Variants in CFHR2 observed in about 807,000 individuals in gnomAD.
The protein encoded by CFHR2 is complement factor H-related protein 2.
Under a neutral mutation model 21.7 loss-of-function variants are expected in CFHR2, and 22 were observed. That is an observed-to-expected ratio of 1.01 (90% confidence interval 0.72 to 1.45). CFHR2 has a LOEUF of 1.45. CFHR2 is among the 40% of genes most tolerant of loss of function. The probability of loss-of-function intolerance (pLI) is 0.00; values close to 1 mark genes in which losing one functional copy is unlikely to be tolerated. For missense variants in CFHR2, 294 were observed against 293.3 expected (o/e 1.00, Z -0.02); for synonymous variants, 98 against 97.4 (o/e 1.01, Z -0.04).
At chr1:196,951,425 A>G (rs2125008753) in intron 3 of CFHR2, among the ~76,000 whole-genome samples, 1 of 152,334 alleles carries the variant, frequency 6.6e-6, no homozygotes, top group East Asian at 1.9e-4. Context: ...TCTTTATTTA[A>G]ATTCATATGC....
chr1:196,958,384 TTGTGTGTAAGTGTG>T (rs1652980331), intron 4 of CFHR2, among the ~76,000 whole-genome samples: 1 of 150,794 alleles, frequency 6.6e-6, no homozygotes, highest in Non-Finnish European at 1.5e-5. Flanking sequence ...ATGGTTACCA[TTGTGTGTAAGTGTG>T]TGTGTGTGTG....
intron 1 of CFHR2, among the ~76,000 whole-genome samples, chr1:196,944,265 T>TA (rs1659394705): frequency 1.4e-5 from 2 of 147,240 alleles, no homozygotes; most frequent in African/African-American, 5.2e-5. Flanking sequence ...GCAATGCCAC[T>TA]AACTAGAACA....
rs1172323615 is a variant in CFHR2, at chr1:196,949,440, G to A, written c.59-15G>A. 5.0e-6 allele frequency: 8 copies of A among 1,598,062 alleles called. No individual in the cohort carries two copies. The highest frequency in any genetic ancestry group is 2.2e-5 in the East Asian group (1 of 44,772). On this transcript the variant is annotated splice_polypyrimidine_tract_variant and intron_variant, in intron 1 of 4. Transcript: ENST00000367415. ...GCTTATTATGTAATTCTTCAGTTTTGTGTTATTTTCCCAGCAATGTTCTGT... is the reference window on the plus strand; with the variant it reads ...GCTTATTATGTAATTCTTCAGTTTTATGTTATTTTCCCAGCAATGTTCTGT...
chr1:196,959,113 C>G lies in CFHR2; in HGVS notation c.*33C>G, dbSNP rs1157118767. 7.3e-7 allele frequency: 1 copy of G among 1,373,320 alleles called. No homozygotes were observed. The highest frequency in any genetic ancestry group is 1.0e-6 in the Non-Finnish European group (1 of 985,888). 85.1% of individuals were successfully genotyped at this position (1,373,320 alleles called of 1,614,324 possible). A position where few individuals can be genotyped will look rare whatever the true frequency, so the allele number is the denominator to read the frequency against. On this transcript the variant is annotated 3_prime_UTR_variant, in exon 5 of 5. Transcript: ENST00000367415. ...GGCATTACTATTAGTAAAATGCACA[C>G]CTTTTTCTGAATTTACTATTATATT...
At position 196,950,993 on chromosome 1, in the gene CFHR2, G is replaced by A. The variant is rs75362023; in HGVS notation, c.395G>A (p.Arg132Gln). The change falls in exon 3 of 5, where the codon CGG becomes CAG. Residue 132 changes from arginine (R) to glutamine (Q), a missense_variant. Transcript: ENST00000367415. ...NNENNISCVERGWSTPPKCRS... is the reference protein window; with the variant it reads ...NNENNISCVEQGWSTPPKCRS... ...GAGAACAACATTTCATGTGTAGAAC[G>A]GGGCTGGTCCACTCCTCCCAAATGC... 1,980 of 1,612,732 alleles carry A rather than the reference G, an allele frequency of 1.2e-3. 25 individuals carry two copies. The African/African-American group carries it at 0.024, about 19-fold the overall frequency.
intron 3 of CFHR2, 123 bp downstream of exon 3, chr1:196,951,151 T>A: frequency 8.3e-7 from 1 of 1,200,578 alleles, no homozygotes; most frequent in Non-Finnish European, 1.2e-6. Flanking sequence ...TCATTATTCA[T>A]TTGATTCTCA....
At chr1:196,948,692 C>G (rs930457910) in intron 1 of CFHR2, among the ~76,000 whole-genome samples, 1 of 151,860 alleles carries the variant, frequency 6.6e-6, no homozygotes, top group Non-Finnish European at 1.5e-5. Context: ...GTTTTATTGT[C>G]TTTTTATTGT....
At chr1:196,958,483 A>G (rs1652987667) in intron 4 of CFHR2, among the ~76,000 whole-genome samples, 3 of 151,948 alleles carry the variant, frequency 2.0e-5, no homozygotes, top group Admixed American at 2.0e-4. Context: ...CAAGTAAATA[A>G]TACCATATTA....
intron 3 of CFHR2, among the ~76,000 whole-genome samples, chr1:196,954,508 G>A (rs928968504): frequency 2.6e-5 from 4 of 152,204 alleles, no homozygotes; most frequent in Non-Finnish European, 5.9e-5. Context: ...ACTAGGCAGT[G>A]CCTCAGTGGT....
At chr1:196,947,778 C>T (rs1314918425) in intron 1 of CFHR2, among the ~76,000 whole-genome samples, 1 of 152,082 alleles carries the variant, frequency 6.6e-6, no homozygotes, top group African/African-American at 2.4e-5. Flanking sequence ...CTATCTTGAG[C>T]TAAATACATA....
At chr1:196,953,563 A>G (rs564558180) in intron 3 of CFHR2, among the ~76,000 whole-genome samples, 1 of 152,324 alleles carries the variant, frequency 6.6e-6, no homozygotes, top group Admixed American at 6.5e-5. Context: ...CGTAACAGTC[A>G]TGAGCCACTG....
chr1:196,948,409 G>T (rs142834452), intron 1 of CFHR2, among the ~76,000 whole-genome samples: 3,210 of 152,116 alleles, frequency 0.021, 56 homozygotes, highest in Middle Eastern at 0.037. Flanking sequence ...CCAAGTAGCT[G>T]GGATTACAGG....
At chr1:196,956,195 T>C (rs904184497) in intron 3 of CFHR2, among the ~76,000 whole-genome samples, 4 of 152,200 alleles carry the variant, frequency 2.6e-5, no homozygotes, top group Admixed American at 2.6e-4. Flanking sequence ...GTGGCAAGTA[T>C]GTGCAATAAA....
At chr1:196,948,278 T>C (rs1659592589) in intron 1 of CFHR2, among the ~76,000 whole-genome samples, 1 of 148,650 alleles carries the variant, frequency 6.7e-6, no homozygotes, top group Admixed American at 6.7e-5. Flanking sequence ...TTTTATTTTA[T>C]TTTAATTTTT....
chr1:196,953,888 T>A (rs1220161031), intron 3 of CFHR2, among the ~76,000 whole-genome samples: 1 of 152,212 alleles, frequency 6.6e-6, no homozygotes, highest in African/African-American at 2.4e-5. Flanking sequence ...TGAATGTCAA[T>A]TATGTAGTTT....
At chr1:196,953,468 A>G (rs1652731204) in intron 3 of CFHR2, among the ~76,000 whole-genome samples, 1 of 152,078 alleles carries the variant, frequency 6.6e-6, no homozygotes, top group Non-Finnish European at 1.5e-5. Flanking sequence ...TTCTTAGTAG[A>G]GCCAGGGTTT....
At chr1:196,953,260 T>TTATG (rs1467737200) in intron 3 of CFHR2, among the ~76,000 whole-genome samples, 2 of 151,904 alleles carry the variant, frequency 1.3e-5, no homozygotes, top group East Asian at 3.9e-4. Flanking sequence ...ATTTATTTAT[T>TTATG]TATTTATTTA....
chr1:196,957,262 C>T (rs576690255), intron 3 of CFHR2, among the ~76,000 whole-genome samples: 4 of 152,074 alleles, frequency 2.6e-5, no homozygotes, highest in South Asian at 4.2e-4. Flanking sequence ...CACATGACAC[C>T]CTGCTGTGTC....
At position 196,958,069 on chromosome 1, in the gene CFHR2, C is replaced by T. The variant is rs770080280; in HGVS notation, c.609C>T (p.Cys203=). ...GACAATGGTCAGAACCACCAAAATG[C>T]TTAGGTAAGTACTTTAATATTCTCA... is the stretch of plus-strand genomic sequence containing the variant. The part of the protein sequence containing the change: ...RNGQWSEPPK[C]LDPCVISQEI... The change falls in exon 4 of 5, where the codon TGC becomes TGT. Residue 203 remains cysteine, a synonymous_variant. Coordinates refer to ENST00000367415, the MANE Select transcript of CFHR2 (RefSeq NM_005666.4). The T allele has an allele frequency of 9.3e-6, 15 of 1,612,710 alleles. No individual in the cohort carries two copies. The East Asian group carries it at 3.3e-4, about 36-fold the overall frequency.
Sources: gnomAD v4.1 joint callset for allele counts (sites outside exome capture counted in the v4.1 genomes callset) on GRCh38, gnomAD v4.1.1 for gene constraint, MANE v1.5 for transcripts, NCBI Gene and HGNC (gene_info 2026-07-23, HGNC 2026-07-21) for gene names.